PTPRB: variants seen among roughly 807,000 people sequenced by gnomAD.
PTPRB encodes the protein protein tyrosine phosphatase receptor type B.
In PTPRB, 97 loss-of-function variants were observed where a neutral mutation model predicts 238.1. That is an observed-to-expected ratio of 0.41 (90% CI 0.35 to 0.48). PTPRB has a LOEUF of 0.48. Among genes scored for constraint, PTPRB ranks in the 20% least tolerant of loss-of-function variants. PTPRB has a pLI of 0.30. For missense variants in PTPRB, 2,292 were observed against 2,681.9 expected, an observed-to-expected ratio of 0.85 and a Z score of 3.21; for synonymous variants, 970 against 995.4, an observed-to-expected ratio of 0.97 and a Z score of 0.48.
rs1020148697 is a variant in PTPRB at position 70,524,464 on chromosome 12, T to C, written c.6625+7A>G. 3 of 1,596,970 alleles carry C rather than the reference T, an allele frequency of 1.9e-6. No individual in the cohort carries two copies. The highest frequency in any genetic ancestry group is 2.7e-5 in the African/African-American group (2 of 74,650). ...AACTTGGGGAAGTAAGTGAAGTAAG[T>C]GCCCACCTCTGTGATACTCTGGATT... On this transcript the variant is annotated splice_region_variant and intron_variant, in intron 33 of 33. Transcript: ENST00000334414.
intron 29 of PTPRB, among the ~76,000 whole-genome samples, chr12:70,535,231 T>G (rs11834967): frequency 6.5e-5 from 9 of 139,344 alleles, no homozygotes; most frequent in East Asian, 5.9e-4. Context: ...TGAGTTTTTT[T>G]TTTTTTTTTT....
At chr12:70,540,992 T>C (rs1290457621) in intron 22 of PTPRB, 35 bp from the exon 23 acceptor site, 1 of 1,533,302 alleles carries the variant, frequency 6.5e-7, no homozygotes, top group East Asian at 2.4e-5. Flanking sequence ...CAAACGCAGG[T>C]GGGAAAATTA....
At chr12:70,615,397 C>A (rs1804025957) in intron 3 of PTPRB, among the ~76,000 whole-genome samples, 2 of 152,164 alleles carry the variant, frequency 1.3e-5, no homozygotes, top group Admixed American at 1.3e-4. Flanking sequence ...CCGGTTACGT[C>A]TCTAACAGCA....
chr12:70,615,803 G>A (rs1884653686), intron 3 of PTPRB, among the ~76,000 whole-genome samples: 2 of 152,298 alleles, frequency 1.3e-5, no homozygotes, highest in South Asian at 4.1e-4. Context: ...CCCTAGGATA[G>A]CAGACAAATA....
chr12:70,537,331 C>A (rs1309016503), intron 28 of PTPRB, among the ~76,000 whole-genome samples: 1 of 151,504 alleles, frequency 6.6e-6, no homozygotes, highest in Non-Finnish European at 1.5e-5. Flanking sequence ...GATTCCCAGG[C>A]CCTGCCTCAG....
chr12:70,581,416 G>T lies in PTPRB; in HGVS notation c.2312-114C>A, dbSNP rs575773123. 7 of 1,124,568 alleles carry T rather than the reference G, an allele frequency of 6.2e-6. No homozygotes were observed. The Admixed American group carries it at 2.0e-4, about 32-fold the overall frequency. 69.7% of individuals were successfully genotyped at this position (1,124,568 alleles called of 1,614,324 possible). On this transcript the variant is annotated intron_variant, in intron 9 of 33. Transcript: ENST00000334414. ...TGAAAGTACTAAAAATAATTTTTGT[G>T]TTGTTGCTATAGACTCTCAGTTCTA...
intron 8 of PTPRB, 29 bp downstream of exon 8, chr12:70,589,935 T>C (rs1385600170): frequency 5.0e-6 from 8 of 1,599,062 alleles, no homozygotes; most frequent in Middle Eastern, 1.7e-4. Context: ...TACTCTTCCA[T>C]TGGTATTAAC....
In PTPRB at chr12:70,571,006, A is replaced by C; in HGVS notation, c.3370+20T>G. ...GCACCACTGCATCTATTCAGGTTCA[A>C]GAACAGTATTTCACATTACCTGTGA... On this transcript the variant is annotated intron_variant, in intron 13 of 33. Coordinates refer to ENST00000334414, the MANE Select transcript of PTPRB (RefSeq NM_001109754.4). 1 of 1,611,950 alleles carries C rather than the reference A, an allele frequency of 6.2e-7. No homozygotes were observed. The highest frequency in any genetic ancestry group is 2.2e-5 in the East Asian group (1 of 44,848).
intron 9 of PTPRB, 25 bp downstream of exon 9, chr12:70,586,982 A>G (rs1391033880): frequency 6.9e-6 from 11 of 1,591,752 alleles, no homozygotes; most frequent in African/African-American, 1.4e-5. Flanking sequence ...ACACTTTAAA[A>G]TGTAAAATTT....
Position 70,571,184 on chromosome 12 carries a change from A to C in PTPRB, c.3212T>G (p.Leu1071Arg), listed in dbSNP as rs1463139740. 1.2e-6 allele frequency: 2 copies of C among 1,614,028 alleles called. No homozygotes were observed. The change falls in exon 13 of 34, where the codon CTG (leucine) becomes CGG (arginine). Residue 1071 changes from leucine to arginine, a missense_variant. Physicochemically the swap from Leu to Arg is moderately radical, Grantham distance 102 (BLOSUM62 -2). Coordinates refer to ENST00000334414, the MANE Select transcript of PTPRB (RefSeq NM_001109754.4). ...AAATACTTTCATGTCATTGAAGAGCAGCTGGATCTCATATTGGTCGACATC... is the reference window on the plus strand; with the variant it reads ...AAATACTTTCATGTCATTGAAGAGCCGCTGGATCTCATATTGGTCGACATC... ...NGDVDQYEIQ[L>R]LFNDMKVFPP...
At chr12:70,578,057 T>C (rs976644769) in intron 10 of PTPRB, among the ~76,000 whole-genome samples, 1 of 152,174 alleles carries the variant, frequency 6.6e-6, no homozygotes, top group African/African-American at 2.4e-5. Context: ...GACACAATTA[T>C]CAAAAGTTTT....
At chr12:70,523,364 C>T (rs367773093) in intron 33 of PTPRB, among the ~76,000 whole-genome samples, 1 of 152,086 alleles carries the variant, frequency 6.6e-6, no homozygotes, top group African/African-American at 2.4e-5. Context: ...GCTGCCCAGG[C>T]TTGTCAAACT....
intron 9 of PTPRB, among the ~76,000 whole-genome samples, chr12:70,584,328 AG>A (rs1881669909): frequency 2.6e-5 from 4 of 152,202 alleles, no homozygotes; most frequent in Admixed American, 2.0e-4. Context: ...GGAATGGAGA[AG>A]GGGCAAGAGG....
chr12:70,625,509 G>A (rs553866242), intron 2 of PTPRB, among the ~76,000 whole-genome samples: 1 of 151,590 alleles, frequency 6.6e-6, no homozygotes, highest in South Asian at 2.1e-4. Flanking sequence ...AAAATGGATG[G>A]GAAGAAAGAA....
chr12:70,536,728 A>G (rs446179), intron 28 of PTPRB, among the ~76,000 whole-genome samples: 150,390 of 152,328 alleles, frequency 0.99, 74,245 homozygotes, highest in East Asian at 1. Flanking sequence ...GTCAATTCTA[A>G]TCGAAGCTCT....
chr12:70,576,440 C>T lies in PTPRB; in HGVS notation c.2784G>A (p.Val928=), dbSNP rs1880699126. 7 of 1,608,432 alleles carry T rather than the reference C, an allele frequency of 4.4e-6. No homozygotes were observed. The highest frequency in any genetic ancestry group is 1.3e-5 in the African/African-American group (1 of 74,816). The part of the protein sequence containing the change: ...SSLTPGRLYT[V]TITTRSGKYE... ...ACTTGCCACTCCTTGTAGTTATGGT[C>T]ACGGTGTAGAGGCGGCCTGGGGTGA... The change falls in exon 11 of 34, where the codon GTG becomes GTA. Residue 928 remains valine, a synonymous_variant. Transcript: ENST00000334414.
At chr12:70,576,074 A>G (rs1269073883) in intron 11 of PTPRB, among the ~76,000 whole-genome samples, 1 of 152,204 alleles carries the variant, frequency 6.6e-6, no homozygotes, top group African/African-American at 2.4e-5. Flanking sequence ...AATAATAACA[A>G]TGACTACCTC....
At chr12:70,547,008 CTTTTT>C (rs34760484) in intron 21 of PTPRB, among the ~76,000 whole-genome samples, 1 of 146,484 alleles carries the variant, frequency 6.8e-6, no homozygotes, top group African/African-American at 2.5e-5. Context: ...AGAAGTACTC[CTTTTT>C]TTTTTTGTTT....
chr12:70,553,812 T>C (rs2136303090), intron 20 of PTPRB, among the ~76,000 whole-genome samples: 1 of 152,348 alleles, frequency 6.6e-6, no homozygotes, highest in Non-Finnish European at 1.5e-5. Context: ...TTGTTGGCAG[T>C]AGTTAAAAAG....
Sources: allele counts gnomAD v4.1 joint callset (sites outside exome capture counted in the v4.1 genomes callset), GRCh38; gene constraint gnomAD v4.1.1; transcripts MANE v1.5; gene names NCBI Gene and HGNC (gene_info 2026-07-23, HGNC 2026-07-21).